The following ACTR10 variants were observed in gnomAD, a reference collection of about 807,000 sequenced individuals.
ACTR10 encodes the protein actin-related protein 10.
A neutral mutation model predicts 56.2 loss-of-function variants in ACTR10; 43 were observed. The observed-to-expected ratio is 0.77, with a 90% CI of 0.60 to 0.99. ACTR10 has a LOEUF of 0.99. ACTR10 is among the 50% of genes least tolerant of loss of function. The probability of loss-of-function intolerance (pLI) is 0.00; values close to 1 mark genes in which losing one functional copy is unlikely to be tolerated. For synonymous variants in ACTR10, 170 were observed against 176.3 expected, an observed-to-expected ratio of 0.96 and a Z score of 0.28; for missense variants, 466 against 507.8, an observed-to-expected ratio of 0.92 and a Z score of 0.79.
rs546387491 is a variant in ACTR10 at position 58,234,643 on chromosome 14, G to C, written c.*92G>C. ...AGTATGTAGGATGTTTTGTTATAGA[G>C]GACTATAGTGGAAGTGAAAGCATTC... On this transcript the variant is annotated 3_prime_UTR_variant, in exon 13 of 13. Transcript: ENST00000254286. 19 of 1,174,944 alleles carry C rather than the reference G, an allele frequency of 1.6e-5. No individual in the cohort carries two copies. The highest frequency in any genetic ancestry group is 2.2e-5 in the Non-Finnish European group (19 of 851,222). 72.8% of individuals were successfully genotyped at this position (1,174,944 alleles called of 1,614,324 possible).
intron 2 of ACTR10, among the ~76,000 whole-genome samples, 175 bp from the exon 3 acceptor site, chr14:58,207,761 C>A (rs1440798649): frequency 6.6e-6 from 1 of 152,152 alleles, no homozygotes; most frequent in Non-Finnish European, 1.5e-5. Flanking sequence ...CTTAGACATT[C>A]CGATTCTTAA....
At chr14:58,211,656 C>G (rs1888999235) in intron 5 of ACTR10, among the ~76,000 whole-genome samples, 1 of 152,008 alleles carries the variant, frequency 6.6e-6, no homozygotes, top group African/African-American at 2.4e-5. Flanking sequence ...AAAGAAAAAT[C>G]AGGATGTGTC....
At chr14:58,219,007 ACG>A (rs1358622271) in intron 7 of ACTR10, among the ~76,000 whole-genome samples, 3 of 152,024 alleles carry the variant, frequency 2.0e-5, no homozygotes, top group African/African-American at 7.2e-5. Flanking sequence ...TTTAGTAGAG[ACG>A]AGGTTTCTCC....
rs1313966631 is a variant in ACTR10 at position 58,232,120 on chromosome 14, A to G, written c.925A>G (p.Thr309Ala). 2 of 1,613,994 alleles carry G rather than the reference A, an allele frequency of 1.2e-6. No homozygotes were observed. The highest frequency in any genetic ancestry group is 2.2e-5 in the South Asian group (2 of 91,082). ...LAENLVVIGG[T>A]SMLPGFLHRL... ...AGAGAATTTGGTAGTCATAGGTGGCACTTCTATGTTGCCAGGATTTCTCCA... is the reference window on the plus strand; with the variant it reads ...AGAGAATTTGGTAGTCATAGGTGGCGCTTCTATGTTGCCAGGATTTCTCCA... The change falls in exon 12 of 13, where the codon ACT (threonine) becomes GCT (alanine). Residue 309 changes from threonine to alanine, a missense_variant. Thr to Ala is a moderately conservative substitution (Grantham distance 58). Transcript: ENST00000254286.
chr14:58,211,054 A>G (rs1302160920), intron 4 of ACTR10: 6 of 351,556 alleles, frequency 1.7e-5, no homozygotes, highest in South Asian at 3.5e-5. Flanking sequence ...CATAATTGTC[A>G]TTTTGGAATG....
At chr14:58,232,400 T>TTTTA in intron 12 of ACTR10, 133 bp downstream of exon 12, 1 of 448,944 alleles carries the variant, frequency 2.2e-6, no homozygotes, top group Non-Finnish European at 3.7e-6. Flanking sequence ...AACACTGACT[T>TTTTA]TTTCTTTTTT....
intron 10 of ACTR10, among the ~76,000 whole-genome samples, chr14:58,227,624 A>G (rs1411074249): frequency 6.6e-6 from 1 of 152,240 alleles, no homozygotes; most frequent in Admixed American, 6.5e-5. Flanking sequence ...AACTGGTGGA[A>G]GAAGTCTGCA....
chr14:58,214,899 A>G (rs1889095598), intron 6 of ACTR10, among the ~76,000 whole-genome samples: 1 of 151,090 alleles, frequency 6.6e-6, no homozygotes, highest in South Asian at 2.1e-4. Flanking sequence ...TGAGGTCAGG[A>G]GTTCAAGACC....
Position 58,234,604 on chromosome 14 carries a change from A to T in ACTR10, c.*53A>T. On this transcript the variant is annotated 3_prime_UTR_variant, in exon 13 of 13. Transcript: ENST00000254286. The stretch of plus-strand genomic sequence containing the variant: ...CATATCAAATATTTAACCAATTATA[A>T]GCAAATTGTACAAAGTATGTAGGAT... 1 of 1,533,612 alleles carries T rather than the reference A, an allele frequency of 6.5e-7. No homozygotes were observed. Among genetic ancestry groups the T allele is most frequent in the Non-Finnish European group, 8.9e-7 (1 of 1,123,450 alleles).
In ACTR10 at chr14:58,219,729, G is replaced by T; in HGVS notation, c.634G>T (p.Ala212Ser). ...VPEGVLEDIKARTCFVSDLKR... is the reference protein window; with the variant it reads ...VPEGVLEDIKSRTCFVSDLKR... ...GGAAGGTGTCTTAGAGGACATTAAA[G>T]GTAAACTAAGTTCTCATTTTTGTCC... The change falls in exon 8 of 13, where the codon GCG (alanine) becomes TCG (serine). Residue 212 changes from alanine (A) to serine (S), a missense_variant and splice_region_variant. Ala to Ser is a moderately conservative substitution (Grantham distance 99, BLOSUM62 1). Transcript: ENST00000254286. 1 of 1,519,542 alleles carries T rather than the reference G, an allele frequency of 6.6e-7. No individual in the cohort carries two copies. 94.1% of individuals were successfully genotyped at this position (1,519,542 alleles called of 1,614,324 possible). A position where few individuals can be genotyped will look rare whatever the true frequency, so the allele number is the denominator to read the frequency against.
In ACTR10 at chr14:58,232,238, CA is replaced by C; in HGVS notation, c.1047del (p.Ala350LeufsTer48). The C allele has an allele frequency of 1.2e-6, 2 of 1,613,544 alleles. No individual in the cohort carries two copies. The highest frequency in any genetic ancestry group is 1.7e-6 in the Non-Finnish European group (2 of 1,179,780). On this transcript the variant is annotated frameshift_variant, in exon 12 of 13. Coordinates refer to ENST00000254286, the MANE Select transcript of ACTR10 (RefSeq NM_018477.3). LOFTEE classifies it high-confidence loss of function. ...ACATTTCGAATTCATACTCCACCTG[CA>C]AAAGCTAATTGTGTGGCCTGGTTGG... ...TKTFRIHTPPAKANCVAWLGG... is the reference protein window; with the variant it reads ...TKTFRIHTPPXKANCVAWLGG...
chr14:58,206,342 A>AT (rs71107920), intron 2 of ACTR10, among the ~76,000 whole-genome samples: 33,350 of 144,982 alleles, frequency 0.23, 4,064 homozygotes, highest in Middle Eastern at 0.33. Context: ...CACCCAGCTA[A>AT]TTTTTTTTTT....
chr14:58,226,239 C>T (rs1201609120), intron 10 of ACTR10, among the ~76,000 whole-genome samples: 1 of 151,940 alleles, frequency 6.6e-6, no homozygotes, highest in Non-Finnish European at 1.5e-5. Context: ...GTACTTCAGC[C>T]TGGGCAACAG....
intron 3 of ACTR10, 59 bp from the exon 4 acceptor site, chr14:58,208,940 A>G (rs1166042335): frequency 1.1e-5 from 12 of 1,121,340 alleles, no homozygotes; most frequent in South Asian, 7.8e-5. Context: ...CTTAAATTGT[A>G]TGACTTAACA....
rs186443678 is a variant in ACTR10 at position 58,217,132 on chromosome 14, A to C, written c.598+1848A>C. On this transcript the variant is annotated intron_variant, in intron 7 of 12. Coordinates refer to ENST00000254286, the MANE Select transcript of ACTR10 (RefSeq NM_018477.3). Reference sequence around the variant, plus strand: ...ACAGGTAATTTATAAAAGGTCTTCAAAGATAATAAATTCAGTGTAGCATCC... The same window carrying C: ...ACAGGTAATTTATAAAAGGTCTTCACAGATAATAAATTCAGTGTAGCATCC... 8.4e-4 allele frequency among the ~76,000 whole-genome samples: 128 copies of C among 152,356 alleles called. 1 individual carries two copies. The highest frequency in any genetic ancestry group is 3.0e-3 in the African/African-American group (124 of 41,584).
chr14:58,207,694 C>T (rs1435304780), intron 2 of ACTR10, among the ~76,000 whole-genome samples: 1 of 152,124 alleles, frequency 6.6e-6, no homozygotes, highest in African/African-American at 2.4e-5. Context: ...GTGAGCCATG[C>T]TCTTTACTTC....
intron 4 of ACTR10, among the ~76,000 whole-genome samples, chr14:58,210,356 C>T (rs564600412): frequency 3.3e-5 from 5 of 152,098 alleles, no homozygotes; most frequent in South Asian, 4.2e-4. Flanking sequence ...ATTAGCCGGA[C>T]GTGGTGGCAT....
chr14:58,229,731 T>C (rs1440145072), intron 10 of ACTR10, among the ~76,000 whole-genome samples: 1 of 149,926 alleles, frequency 6.7e-6, no homozygotes, highest in Non-Finnish European at 1.5e-5. Context: ...TTATGGAAGG[T>C]GATGGATAAG....
intron 11 of ACTR10, among the ~76,000 whole-genome samples, chr14:58,231,314 A>G (rs1429107150): frequency 6.6e-6 from 1 of 152,054 alleles, no homozygotes; most frequent in Non-Finnish European, 1.5e-5. Context: ...GGCCTCCCAA[A>G]GGGCTGTACA....
Sources: allele counts gnomAD v4.1 joint callset (sites outside exome capture counted in the v4.1 genomes callset), GRCh38; gene constraint gnomAD v4.1.1; transcripts MANE v1.5; gene names NCBI Gene and HGNC (gene_info 2026-07-23, HGNC 2026-07-21).